The following SLIT1 variants were observed in gnomAD, a reference collection of about 807,000 sequenced individuals.
SLIT1 encodes the protein slit homolog 1 protein.
In SLIT1, 66 loss-of-function variants were observed where a neutral mutation model predicts 186.1. The observed-to-expected ratio is 0.35, with a 90% CI of 0.29 to 0.44. SLIT1 has a LOEUF of 0.44. SLIT1 is among the 20% of genes least tolerant of loss of function. SLIT1 has a pLI of 1.00. For missense variants in SLIT1, 1,638 were observed against 2,037.4 expected (o/e 0.80, Z 3.77); for synonymous variants, 761 against 833.8 (o/e 0.91, Z 1.50).
chr10:97,013,771 G>A lies in SLIT1; in HGVS notation c.3173C>T (p.Ala1058Val), dbSNP rs371409196. ...CCCATCCGGGGTGCCCACACACTGG[G>A]CCTCGTGTTGACATGGGTTCAGATC... is the stretch of plus-strand genomic sequence containing the variant. ...SPDLNPCQHEAQCVGTPDGPR... is the reference protein window; with the variant it reads ...SPDLNPCQHEVQCVGTPDGPR... Residue 1058 changes from alanine to valine, a missense_variant, in exon 30 of 37, where the codon GCC (alanine) becomes GTC (valine). Ala to Val is a moderately conservative substitution (Grantham distance 64). Transcript: ENST00000266058. 2 of 1,551,484 alleles carry A rather than the reference G, an allele frequency of 1.3e-6. No homozygotes were observed. The highest frequency in any genetic ancestry group is 2.7e-5 in the African/African-American group (2 of 73,038).
intron 25 of SLIT1, among the ~76,000 whole-genome samples, chr10:97,025,304 A>T (rs1051509121): frequency 2.6e-5 from 4 of 152,194 alleles, no homozygotes; most frequent in Non-Finnish European, 5.9e-5. Context: ...AAACAAAAAA[A>T]CAAAAAACGA....
chr10:97,034,447 C>T, intron 23 of SLIT1, 24 bp downstream of exon 23: 1 of 1,595,022 alleles, frequency 6.3e-7, no homozygotes, highest in Non-Finnish European at 8.6e-7. Context: ...CGGGGCCCCC[C>T]ACCCCAGCCC....
chr10:97,076,560 G>A (rs375398921), intron 4 of SLIT1, among the ~76,000 whole-genome samples: 110 of 151,814 alleles, frequency 7.2e-4, no homozygotes, highest in African/African-American at 2.6e-3. Flanking sequence ...CAACACTCAA[G>A]TGCCCCAGAT....
intron 28 of SLIT1, 22 bp downstream of exon 28, chr10:97,018,564 C>G: frequency 6.7e-7 from 1 of 1,493,780 alleles, no homozygotes; most frequent in Non-Finnish European, 9.1e-7. Flanking sequence ...TCACCAGGCT[C>G]CTGCCCCTCC....
intron 4 of SLIT1, among the ~76,000 whole-genome samples, chr10:97,082,423 A>T (rs1045587440): frequency 2.0e-5 from 3 of 151,884 alleles, no homozygotes; most frequent in South Asian, 2.1e-4. Flanking sequence ...TAATTCTTTT[A>T]TTTTTTATTT....
intron 4 of SLIT1, among the ~76,000 whole-genome samples, chr10:97,069,895 G>T (rs560606543): frequency 1.3e-5 from 2 of 152,256 alleles, no homozygotes; most frequent in South Asian, 4.2e-4. Context: ...TGATGGAAAC[G>T]GTAATGGATA....
chr10:97,155,235 A>G (rs1452394960), intron 4 of SLIT1: 2 of 152,358 alleles, frequency 1.3e-5, no homozygotes, highest in Non-Finnish European at 2.9e-5. Context: ...ACCCAAAGTT[A>G]TGCCTTGAAA....
intron 1 of SLIT1, among the ~76,000 whole-genome samples, chr10:97,183,936 G>A (rs747290622): frequency 6.6e-6 from 1 of 151,454 alleles, no homozygotes; most frequent in African/African-American, 2.4e-5. Flanking sequence ...TAATGCACAC[G>A]CTGCCCACAG....
In SLIT1 at chr10:97,037,785, G is replaced by A. The variant is rs772151734; in HGVS notation, c.2298-19C>T. The A allele has an allele frequency of 1.6e-5, 26 of 1,592,140 alleles. No homozygotes were observed. In the East Asian group the frequency reaches 3.4e-4, roughly 21 times the overall value. On this transcript the variant is annotated intron_variant, in intron 21 of 36. Coordinates refer to ENST00000266058, the MANE Select transcript of SLIT1 (RefSeq NM_003061.3). ...CAAATAGCTGCAGAGAGAACACAGC[G>A]GCGTTAGTGCCCATCTCCACCTCTG... is the stretch of plus-strand genomic sequence containing the variant.
Position 97,057,255 on chromosome 10 carries a change from T to G in SLIT1, c.1112A>C (p.Asp371Ala). ...GCCTCCAAACACACCACGGGGGAGG[T>G]CTGTGATCTTGTTTCCATAGAGGAC... is the stretch of plus-strand genomic sequence containing the variant. ...SLVLYGNKITDLPRGVFGGLY... is the reference protein window; with the variant it reads ...SLVLYGNKITALPRGVFGGLY... Residue 371 changes from aspartate to alanine, a missense_variant, in exon 12 of 37, where the codon GAC becomes GCC. Coordinates refer to ENST00000266058, the MANE Select transcript of SLIT1 (RefSeq NM_003061.3). 6.2e-7 allele frequency: 1 copy of G among 1,612,892 alleles called. No homozygotes were observed.
intron 4 of SLIT1, among the ~76,000 whole-genome samples, chr10:97,136,818 G>T (rs1200982868): frequency 6.6e-6 from 1 of 152,196 alleles, no homozygotes; most frequent in Non-Finnish European, 1.5e-5. Flanking sequence ...GCAGTGGCCG[G>T]GTCACCAGGA....
intron 14 of SLIT1, 32 bp downstream of exon 14, chr10:97,048,899 GCAGGTGGGCAGGCAGGTAGGTGGA>G (rs1215511784): frequency 5.8e-6 from 9 of 1,539,430 alleles, no homozygotes; most frequent in Non-Finnish European, 2.6e-6. Context: ...AGGCCGGTGG[GCAGGTGGGCAGGCAGGTAGGTGGA>G]CAGGTGGGCA....
At chr10:97,044,569 G>A (rs951601054) in intron 18 of SLIT1, among the ~76,000 whole-genome samples, 5 of 152,058 alleles carry the variant, frequency 3.3e-5, no homozygotes, top group African/African-American at 9.7e-5. Flanking sequence ...AGACACTTAT[G>A]CAATATTGAT....
At chr10:97,055,534 A>T (rs2805594) in intron 13 of SLIT1, among the ~76,000 whole-genome samples, 146,229 of 152,060 alleles carry the variant, frequency 0.96, 70,566 homozygotes, top group East Asian at 1. Flanking sequence ...GCTACTTTTT[A>T]AAAAAAAATT....
At chr10:97,110,082 T>G (rs964077773) in intron 4 of SLIT1, among the ~76,000 whole-genome samples, 1 of 152,204 alleles carries the variant, frequency 6.6e-6, no homozygotes, top group Non-Finnish European at 1.5e-5. Flanking sequence ...GATTTTACTT[T>G]TAAAATATTT....
rs1014040531 is a variant in SLIT1 at position 97,087,474 on chromosome 10, C to G, written c.414-21388G>C. On this transcript the variant is annotated intron_variant, in intron 4 of 36. Transcript: ENST00000266058. The stretch of plus-strand genomic sequence containing the variant: ...CAAGTCTCAAGCCTCCTGATAATAA[C>G]GATGGCAGCACAGCTGTGGAGAAGG... 2.6e-5 allele frequency among the ~76,000 whole-genome samples: 4 copies of G among 152,216 alleles called. No homozygotes were observed. The East Asian group carries it at 7.7e-4, about 29-fold the overall frequency.
At chr10:97,087,335 C>G (rs895644525) in intron 4 of SLIT1, among the ~76,000 whole-genome samples, 3 of 152,190 alleles carry the variant, frequency 2.0e-5, no homozygotes, top group Non-Finnish European at 4.4e-5. Flanking sequence ...CTCCTGCAGC[C>G]CCCTCTCACC....
chr10:97,128,926 C>CAA (rs56959083), intron 4 of SLIT1, among the ~76,000 whole-genome samples: 33 of 150,908 alleles, frequency 2.2e-4, no homozygotes, highest in South Asian at 2.1e-3. Flanking sequence ...AAAACTAAGA[C>CAA]AAAAAAAAAT....
intron 13 of SLIT1, among the ~76,000 whole-genome samples, 179 bp downstream of exon 13, chr10:97,056,142 G>A (rs893002040): frequency 1.3e-5 from 2 of 152,158 alleles, no homozygotes; most frequent in African/African-American, 4.8e-5. Context: ...CCAATAAGAG[G>A]CCTAGGTGGA....
Sources: allele counts gnomAD v4.1 joint callset (sites outside exome capture counted in the v4.1 genomes callset), GRCh38; gene constraint gnomAD v4.1.1; transcripts MANE v1.5; gene names NCBI Gene and HGNC (gene_info 2026-07-23, HGNC 2026-07-21).